Variants in PELI2 observed in about 807,000 individuals in gnomAD.
The protein encoded by PELI2 is E3 ubiquitin-protein ligase pellino homolog 2.
In PELI2, 23 loss-of-function variants were observed where a neutral mutation model predicts 42.3. The ratio of observed to expected loss-of-function variants is 0.54; its 90% CI spans 0.39 to 0.77. PELI2 has a LOEUF of 0.77. Ranked by LOEUF, PELI2 falls within the 30% of genes least tolerant of loss-of-function variation. PELI2 has a pLI of 0.00. For synonymous variants in PELI2, 245 were observed against 212.2 expected (o/e 1.15, Z -1.34); for missense variants, 463 against 553.2 (o/e 0.84, Z 1.64).
At chr14:56,200,067 C>T (rs12895296) in intron 2 of PELI2, among the ~76,000 whole-genome samples, 2,455 of 98,942 alleles carry the variant, frequency 0.025, 35 homozygotes, top group Non-Finnish European at 0.041. Flanking sequence ...CAGGGAGCAA[C>T]GATTTAAAGA....
chr14:56,212,433 G>T (rs1414689121), intron 2 of PELI2, among the ~76,000 whole-genome samples: 1 of 152,216 alleles, frequency 6.6e-6, no homozygotes, highest in Non-Finnish European at 1.5e-5. Context: ...TCGTTGCCAT[G>T]TGTCTTAGGC....
At chr14:56,254,548 A>C (rs2139821404) in intron 2 of PELI2, among the ~76,000 whole-genome samples, 1 of 152,206 alleles carries the variant, frequency 6.6e-6, no homozygotes, top group African/African-American at 2.4e-5. Context: ...CTAGAAGAAA[A>C]CCCAAGCAAT....
At chr14:56,159,467 T>C (rs368369178) in intron 1 of PELI2, among the ~76,000 whole-genome samples, 111 of 152,336 alleles carry the variant, frequency 7.3e-4, no homozygotes, top group African/African-American at 2.6e-3. Flanking sequence ...GTATGGAGTA[T>C]AAAAATGGCT....
chr14:56,120,054 T>C (rs1274395066), intron 1 of PELI2, among the ~76,000 whole-genome samples: 6 of 152,204 alleles, frequency 3.9e-5, no homozygotes, highest in Non-Finnish European at 8.8e-5. Flanking sequence ...TTGTTGCTAG[T>C]GCATTAAGTG....
At chr14:56,129,885 T>C (rs967761117) in intron 1 of PELI2, among the ~76,000 whole-genome samples, 1 of 152,130 alleles carries the variant, frequency 6.6e-6, no homozygotes, top group African/African-American at 2.4e-5. Flanking sequence ...GGCCTTGCAG[T>C]GTTTGCTGCA....
intron 2 of PELI2, among the ~76,000 whole-genome samples, chr14:56,198,011 C>T (rs1000230540): frequency 2.5e-5 from 2 of 81,092 alleles, no homozygotes; most frequent in African/African-American, 5.9e-5. Flanking sequence ...CACACACACA[C>T]ACCCACCTCT....
chr14:56,120,576 T>C (rs1883025670), intron 1 of PELI2, among the ~76,000 whole-genome samples: 1 of 152,214 alleles, frequency 6.6e-6, no homozygotes, highest in Non-Finnish European at 1.5e-5. Context: ...ATGACATAGT[T>C]GGCACTTAGG....
chr14:56,262,776 G>T (rs538060861), intron 2 of PELI2, among the ~76,000 whole-genome samples: 1 of 151,082 alleles, frequency 6.6e-6, no homozygotes, highest in Non-Finnish European at 1.5e-5. Context: ...TAGTGCTGTT[G>T]CTGTCACTGC....
chr14:56,166,970 T>C (rs1884987038), intron 1 of PELI2, among the ~76,000 whole-genome samples: 1 of 152,222 alleles, frequency 6.6e-6, no homozygotes, highest in Non-Finnish European at 1.5e-5. Context: ...GTGTGTTTTT[T>C]AGTAGAGACA....
At chr14:56,221,645 C>CT (rs1462500949) in intron 2 of PELI2, among the ~76,000 whole-genome samples, 1 of 152,232 alleles carries the variant, frequency 6.6e-6, no homozygotes, top group Non-Finnish European at 1.5e-5. Flanking sequence ...AGAGTTCTCC[C>CT]TTTTTGTGTA....
chr14:56,158,640 C>T (rs932295418), intron 1 of PELI2, among the ~76,000 whole-genome samples: 2 of 152,118 alleles, frequency 1.3e-5, no homozygotes, highest in Admixed American at 6.5e-5. Flanking sequence ...CAGGTGTGAG[C>T]CACCACACCT....
In PELI2 at chr14:56,178,430, C is replaced by G. The variant is rs371580471; in HGVS notation, c.173C>G (p.Thr58Ser). 1.9e-6 allele frequency: 3 copies of G among 1,614,176 alleles called. No homozygotes were observed. The highest frequency in any genetic ancestry group is 8.5e-7 in the Non-Finnish European group (1 of 1,180,012). Reference sequence around the variant, plus strand: ...AAGGCAAATGGTGTCAAACCCAGCACCGTCCATGTGATATCCACGCCCCAG... The same window carrying G: ...AAGGCAAATGGTGTCAAACCCAGCAGCGTCCATGTGATATCCACGCCCCAG... ...RPKANGVKPS[T>S]VHVISTPQAS... Residue 58 changes from threonine (T) to serine (S), a missense_variant, in exon 2 of 6, where the codon ACC becomes AGC. Thr to Ser is a moderately conservative substitution (Grantham distance 58, BLOSUM62 1). This residue lies in a region of PELI2 where 343 missense variants were observed against 378.4 expected (regional missense o/e 0.91). Coordinates refer to ENST00000267460, the MANE Select transcript of PELI2 (RefSeq NM_021255.3).
At chr14:56,218,200 T>C (rs1164448138) in intron 2 of PELI2, among the ~76,000 whole-genome samples, 1 of 152,250 alleles carries the variant, frequency 6.6e-6, no homozygotes, top group East Asian at 1.9e-4. Flanking sequence ...AGTTGTGATC[T>C]ATCATTGTTT....
At chr14:56,172,307 G>C (rs566770744) in intron 1 of PELI2, among the ~76,000 whole-genome samples, 1 of 152,280 alleles carries the variant, frequency 6.6e-6, no homozygotes, top group South Asian at 2.1e-4. Flanking sequence ...TGCTGGGACC[G>C]CTGAGCAGAG....
intron 1 of PELI2, among the ~76,000 whole-genome samples, chr14:56,141,238 A>G (rs746525737): frequency 6.6e-6 from 1 of 152,188 alleles, no homozygotes; most frequent in Non-Finnish European, 1.5e-5. Flanking sequence ...TTTTCCAGGC[A>G]TTATTCTGTT....
rs1321821395 is a variant in PELI2 at position 56,234,220 on chromosome 14, A to G, written c.208-45456A>G. Among the ~76,000 whole-genome samples the G allele has an allele frequency of 2.0e-5, 3 of 152,218 alleles. No homozygotes were observed. In the East Asian group the frequency reaches 5.8e-4, roughly 29 times the overall value. On this transcript the variant is annotated intron_variant, in intron 2 of 5. Coordinates refer to ENST00000267460, the MANE Select transcript of PELI2 (RefSeq NM_021255.3). Reference sequence around the variant, plus strand: ...ATTCCTCAAGGATCTAGAACTAGAAATACCATTTGACCCAGCCATCCCATT... The same window carrying G: ...ATTCCTCAAGGATCTAGAACTAGAAGTACCATTTGACCCAGCCATCCCATT...
At chr14:56,279,871 A>AG in intron 3 of PELI2, 94 bp downstream of exon 3, 1 of 543,520 alleles carries the variant, frequency 1.8e-6, no homozygotes, top group Non-Finnish European at 3.2e-6. Context: ...CAGTATGTCC[A>AG]GGGGGAAAGA....
chr14:56,202,160 G>T (rs1313240152), intron 2 of PELI2, among the ~76,000 whole-genome samples: 1 of 152,072 alleles, frequency 6.6e-6, no homozygotes, highest in Non-Finnish European at 1.5e-5. Context: ...GAAGGTATTT[G>T]TTGTTGTTGT....
rs116913093 is a variant in PELI2 at position 56,127,382 on chromosome 14, A to T, written c.77+8645A>T. 2.0e-3 allele frequency among the ~76,000 whole-genome samples: 312 copies of T among 152,334 alleles called. 5 individuals carry two copies. The East Asian group carries it at 0.049, about 24-fold the overall frequency. On this transcript the variant is annotated intron_variant, in intron 1 of 5. Coordinates refer to ENST00000267460, the MANE Select transcript of PELI2 (RefSeq NM_021255.3). ...GGTACAGGATGGTGGAAGGACCAGA[A>T]GAATGTTTTAACACTGCATTTGGGT...
Sources: gnomAD v4.1 joint callset for allele counts (sites outside exome capture counted in the v4.1 genomes callset) on GRCh38, gnomAD v4.1.1 for gene constraint, gnomAD v4.1.1 regional missense constraint, MANE v1.5 for transcripts, NCBI Gene and HGNC (gene_info 2026-07-23, HGNC 2026-07-21) for gene names.